The following TAS2R1 variants were observed in gnomAD, a reference collection of about 807,000 sequenced individuals.
TAS2R1 encodes the protein taste 2 receptor member 1.
For synonymous variants in TAS2R1, 141 were observed against 134.2 expected, an observed-to-expected ratio of 1.05 and a Z score of -0.35; for missense variants, 370 against 353.4, an observed-to-expected ratio of 1.05 and a Z score of -0.38.
chr5:9,651,196 G>A lies in TAS2R1; in HGVS notation c.-81+8225C>T, dbSNP rs566284153. ...CCTTTCAGACAGATGCTCTCAAGGT[G>A]ATCGATTTGGCAGTCCTGGGGAGGG... On this transcript the variant is annotated intron_variant, in intron 2 of 2. Coordinates refer to the TAS2R1 transcript ENST00000506620. Among the ~76,000 whole-genome samples the A allele has an allele frequency of 6.6e-5, 10 of 152,288 alleles. No individual in the cohort carries two copies. The East Asian group carries it at 9.6e-4, about 15-fold the overall frequency.
At chr5:9,711,917 C>T (rs545509500) in intron 1 of TAS2R1, among the ~76,000 whole-genome samples, 175 of 151,444 alleles carry the variant, frequency 1.2e-3, no homozygotes, top group Admixed American at 2.1e-3. Flanking sequence ...GCACCCACCT[C>T]GGCCTCCTGA....
intron 1 of TAS2R1, among the ~76,000 whole-genome samples, chr5:9,686,796 A>G (rs553371193): frequency 6.6e-6 from 1 of 152,342 alleles, no homozygotes; most frequent in East Asian, 1.9e-4. Flanking sequence ...CTTCTACTAA[A>G]TGTTAAATTT....
chr5:9,737,062 C>A, the TAS2R1 span, among the ~76,000 whole-genome samples: 2 of 152,170 alleles, frequency 1.3e-5, no homozygotes, highest in African/African-American at 2.4e-5. Flanking sequence ...GCTAAAGTCT[C>A]CATCAGGGTC....
At chr5:9,863,878 C>A in the TAS2R1 span, among the ~76,000 whole-genome samples, 1 of 152,228 alleles carries the variant, frequency 6.6e-6, no homozygotes, top group Non-Finnish European at 1.5e-5. Flanking sequence ...GACAGTGCTC[C>A]TTGGGACAGT....
At chr5:9,894,666 C>T in the TAS2R1 span, among the ~76,000 whole-genome samples, 2 of 152,210 alleles carry the variant, frequency 1.3e-5, no homozygotes, top group Admixed American at 1.3e-4. Context: ...CAAACTAATA[C>T]AGTAAGTTAG....
At chr5:9,832,300 T>C in the TAS2R1 span, among the ~76,000 whole-genome samples, 1 of 152,182 alleles carries the variant, frequency 6.6e-6, no homozygotes, top group African/African-American at 2.4e-5. Flanking sequence ...GGTGCAGAAA[T>C]GAGGTTAAGC....
At chr5:9,692,651 A>T (rs1188871363) in intron 1 of TAS2R1, among the ~76,000 whole-genome samples, 2 of 152,138 alleles carry the variant, frequency 1.3e-5, no homozygotes, top group African/African-American at 2.4e-5. Flanking sequence ...GTTCATCCTA[A>T]TATAGGGCAT....
chr5:9,898,663 T>G, the TAS2R1 span, among the ~76,000 whole-genome samples: 1 of 152,002 alleles, frequency 6.6e-6, no homozygotes, highest in Admixed American at 6.5e-5. Flanking sequence ...ACTCCTCAAG[T>G]CCCTTGCATG....
chr5:9,861,703 CA>C, the TAS2R1 span, among the ~76,000 whole-genome samples: 1 of 152,140 alleles, frequency 6.6e-6, no homozygotes, highest in Non-Finnish European at 1.5e-5. Context: ...TATACAGCAG[CA>C]AAAAGTCTCC....
chr5:9,659,542 G>A (rs1740488711), exon 2 of TAS2R1: 1 of 151,662 alleles, frequency 6.6e-6, no homozygotes, highest in African/African-American at 2.4e-5. Flanking sequence ...ACGAGGCATA[G>A]AGAGTCACAC....
At chr5:9,721,854 T>G in the TAS2R1 span, among the ~76,000 whole-genome samples, 1 of 152,230 alleles carries the variant, frequency 6.6e-6, no homozygotes, top group Admixed American at 6.5e-5. Flanking sequence ...TCTACTATAC[T>G]ACCTTCAACT....
chr5:9,752,739 C>A, the TAS2R1 span, among the ~76,000 whole-genome samples: 1 of 151,590 alleles, frequency 6.6e-6, no homozygotes, highest in African/African-American at 2.4e-5. Flanking sequence ...TGATGTTCCC[C>A]TTTCTGTGGC....
At chr5:9,688,811 C>G (rs899182300) in intron 1 of TAS2R1, among the ~76,000 whole-genome samples, 1 of 152,156 alleles carries the variant, frequency 6.6e-6, no homozygotes, top group Non-Finnish European at 1.5e-5. Flanking sequence ...CAGAAGCCCA[C>G]ACACATGCTT....
chr5:9,681,560 C>A (rs923107132), intron 1 of TAS2R1, among the ~76,000 whole-genome samples: 2 of 113,868 alleles, frequency 1.8e-5, no homozygotes, highest in African/African-American at 6.7e-5. Flanking sequence ...AGATGCCCTC[C>A]CACAATTACC....
At chr5:9,788,586 G>A in the TAS2R1 span, among the ~76,000 whole-genome samples, 4 of 151,882 alleles carry the variant, frequency 2.6e-5, no homozygotes, top group Non-Finnish European at 5.9e-5. Flanking sequence ...TAAGATCTTT[G>A]TCTCTTAAAA....
the TAS2R1 span, among the ~76,000 whole-genome samples, chr5:9,895,654 A>C: frequency 6.6e-6 from 1 of 152,230 alleles, no homozygotes; most frequent in Non-Finnish European, 1.5e-5. Context: ...TTACAAATCC[A>C]ATATATGCAG....
chr5:9,785,308 A>C, the TAS2R1 span, among the ~76,000 whole-genome samples: 1 of 152,256 alleles, frequency 6.6e-6, no homozygotes, highest in African/African-American at 2.4e-5. Flanking sequence ...TTTTACAAAA[A>C]TAGAATCAAT....
chr5:9,796,723 AAAAAAAAAAAAAAAAAG>A, the TAS2R1 span, among the ~76,000 whole-genome samples: 1 of 80,182 alleles, frequency 1.2e-5, no homozygotes, highest in South Asian at 3.9e-4. Flanking sequence ...ATTTTCTGGA[AAAAAAAAAAAAAAAAAG>A]AAAAGAAAAA....
At chr5:9,721,710 TCTTA>T in the TAS2R1 span, among the ~76,000 whole-genome samples, 1 of 152,248 alleles carries the variant, frequency 6.6e-6, no homozygotes, top group Admixed American at 6.5e-5. Context: ...AGAGGATTTC[TCTTA>T]CTTTGGGTAA....
Sources: allele counts gnomAD v4.1 joint callset (sites outside exome capture counted in the v4.1 genomes callset), GRCh38; gene constraint gnomAD v4.1.1; transcripts MANE v1.5; gene names NCBI Gene and HGNC (gene_info 2026-07-23, HGNC 2026-07-21).